Variants in ALG11 observed in about 807,000 individuals in gnomAD.
The protein encoded by ALG11 is GDP-Man:Man(3)GlcNAc(2)-PP-Dol alpha-1,2-mannosyltransferase.
Under a neutral mutation model 38.8 loss-of-function variants are expected in ALG11, and 26 were observed. The observed-to-expected ratio is 0.67, with a 90% CI of 0.49 to 0.93. The LOEUF is 0.93. Ranked by LOEUF, ALG11 falls within the 40% of genes least tolerant of loss-of-function variation. ALG11 has a pLI of 0.00. For synonymous variants in ALG11, 199 were observed against 211.6 expected (o/e 0.94, Z 0.52); for missense variants, 535 against 578.8 (o/e 0.92, Z 0.78).
At position 52,024,040 on chromosome 13, in the gene ALG11, G is replaced by A. The variant is rs761383291; in HGVS notation, c.310G>A (p.Asp104Asn). 11 of 1,613,952 alleles carry A rather than the reference G, an allele frequency of 6.8e-6. No individual in the cohort carries two copies. Among genetic ancestry groups the A allele is most frequent in the African/African-American group, 4.0e-5 (3 of 74,894 alleles). The change falls in exon 3 of 4, where the codon GAT (aspartate) becomes AAT (asparagine). Residue 104 changes from aspartate to asparagine, a missense_variant. Physicochemically the swap from Asp to Asn is conservative, Grantham distance 23. Transcript: ENST00000521508. ...AGCAGTTTATGTTGTTTATACCGGC[G>A]ATGTTAATGTCAACGGTCAACAGAT... ...PEAVYVVYTGDVNVNGQQILE... is the reference protein window; with the variant it reads ...PEAVYVVYTGNVNVNGQQILE...
chr13:52,012,904 T>G (rs1428825861), intron 1 of ALG11, among the ~76,000 whole-genome samples: 2 of 152,238 alleles, frequency 1.3e-5, no homozygotes, highest in African/African-American at 4.8e-5. Context: ...AAACTGCCAT[T>G]GTTAACACGT....
Position 52,031,722 on chromosome 13 carries a change from G to C in ALG11, c.*3132G>C, listed in dbSNP as rs1289176396. ...TTGTAAGATGGCAAGGTGGCATTTT[G>C]AAAGAGCGCTGGGCAAGCAGTTAGC... On this transcript the variant is annotated 3_prime_UTR_variant, in exon 4 of 4. Transcript: ENST00000521508. The C allele has an allele frequency of 1.2e-5, 2 of 167,276 alleles. No individual in the cohort carries two copies. The highest frequency in any genetic ancestry group is 2.9e-5 in the Non-Finnish European group (2 of 68,296). The allele number at this position is 167,276 out of a possible 1,614,324, so 10.4% of individuals were successfully genotyped here. A position where few individuals can be genotyped will look rare whatever the true frequency, so the allele number is the denominator to read the frequency against.
At chr13:52,018,782 TAGC>T in intron 1 of ALG11, 128 bp from the exon 2 acceptor site, 3 of 773,916 alleles carry the variant, frequency 3.9e-6, no homozygotes, top group East Asian at 2.7e-5. Context: ...AGTATTTTGT[TAGC>T]AGACTCGTTA....
rs6561656 is a variant in ALG11, at chr13:52,023,752, A to G, written c.276-254A>G. 115,880 of 205,554 alleles carry G rather than the reference A, an allele frequency of 0.56. 35,556 individuals carry two copies. The highest frequency in any genetic ancestry group is 0.63 in the Non-Finnish European group (66,496 of 105,140). 12.7% of individuals were successfully genotyped at this position (205,554 alleles called of 1,614,324 possible). ...TTGTTGCCCAGGCAGGAGTGCAGTG[A>G]TGCAGTCTCGGCTCTCAGTCTCTCA... On this transcript the variant is annotated intron_variant, in intron 2 of 3. Coordinates refer to ENST00000521508, the MANE Select transcript of ALG11 (RefSeq NM_001004127.3).
intron 2 of ALG11, 57 bp from the exon 3 acceptor site, chr13:52,023,949 C>G: frequency 6.5e-7 from 1 of 1,535,182 alleles, no homozygotes; most frequent in Non-Finnish European, 9.0e-7. Context: ...TGCGTGCCAC[C>G]GTGTCTGGCT....
Position 52,018,802 on chromosome 13 carries a change from A to G in ALG11, c.45-111A>G, listed in dbSNP as rs1954157510. ...TTTGTTAGCAGACTCGTTAAAGACA[A>G]TTCTCTCTTTGTTACTAATATATAA... On this transcript the variant is annotated intron_variant, in intron 1 of 3. Transcript: ENST00000521508. 5.6e-6 allele frequency: 5 copies of G among 899,926 alleles called. No homozygotes were observed. In the South Asian group the frequency reaches 7.6e-5, roughly 14 times the overall value. The allele number at this position is 899,926 out of a possible 1,614,324, so 55.7% of individuals were successfully genotyped here.
Position 52,024,865 on chromosome 13 carries a change from G to A in ALG11, c.1135G>A (p.Asp379Asn). Reference protein sequence around the residue: ...YVEFKINIPFDELKNYLSEAT... With the variant: ...YVEFKINIPFNELKNYLSEAT... ...GGAATTTAAAATAAACATTCCATTT[G>A]ATGAATTAAAGAATTATTTGTCTGA... Residue 379 changes from aspartate to asparagine, a missense_variant, in exon 3 of 4, where the codon GAT (aspartate) becomes AAT (asparagine). Asp to Asn is a conservative substitution (Grantham distance 23). Transcript: ENST00000521508. The A allele has an allele frequency of 1.9e-6, 3 of 1,613,920 alleles. No individual in the cohort carries two copies. The highest frequency in any genetic ancestry group is 2.5e-6 in the Non-Finnish European group (3 of 1,179,988).
chr13:52,029,700 A>G lies in ALG11; in HGVS notation c.*1110A>G. Reference sequence around the variant, plus strand: ...ATGGAAAGAATGAGCCTTAAGCACCAAAACAGTGGGAAATGGGCCAAGTCA... The same window carrying G: ...ATGGAAAGAATGAGCCTTAAGCACCGAAACAGTGGGAAATGGGCCAAGTCA... On this transcript the variant is annotated 3_prime_UTR_variant, in exon 4 of 4. Coordinates refer to ENST00000521508, the MANE Select transcript of ALG11 (RefSeq NM_001004127.3). 1 of 1,614,252 alleles carries G rather than the reference A, an allele frequency of 6.2e-7. No homozygotes were observed. The highest frequency in any genetic ancestry group is 8.5e-7 in the Non-Finnish European group (1 of 1,180,042).
In ALG11 at chr13:52,028,701, C is replaced by T. The variant is rs1362505593; in HGVS notation, c.*111C>T. 1.3e-6 allele frequency: 2 copies of T among 1,573,252 alleles called. No individual in the cohort carries two copies. Among genetic ancestry groups the T allele is most frequent in the Admixed American group, 1.8e-5 (1 of 56,652 alleles). On this transcript the variant is annotated 3_prime_UTR_variant, in exon 4 of 4. Transcript: ENST00000521508. ...TGTCAAATCATTTTACTTTAGAAAA[C>T]AGACAAAATTTCCTTTTAGAATAAA...
In ALG11 at chr13:52,030,856, TC is replaced by T; in HGVS notation, c.*2268del. The T allele has an allele frequency of 6.2e-7, 1 of 1,614,116 alleles. No homozygotes were observed. The highest frequency in any genetic ancestry group is 1.6e-4 in the Middle Eastern group (1 of 6,062). On this transcript the variant is annotated 3_prime_UTR_variant, in exon 4 of 4. Transcript: ENST00000521508. ...CAGCAGCTCATCAGGTACAAGTGCTTCCATATCCATTTACCCACCATCGGCA... is the reference window on the plus strand; with the variant it reads ...CAGCAGCTCATCAGGTACAAGTGCTTCATATCCATTTACCCACCATCGGCA...
chr13:52,020,914 C>G (rs968061199), intron 2 of ALG11: 25 of 152,192 alleles, frequency 1.6e-4, no homozygotes, highest in Admixed American at 1.1e-3. Context: ...CCTAACTCAA[C>G]ACATACTACA....
At position 52,029,780 on chromosome 13, in the gene ALG11, T is replaced by C; in HGVS notation, c.*1190T>C. On this transcript the variant is annotated 3_prime_UTR_variant, in exon 4 of 4. Transcript: ENST00000521508. Reference sequence around the variant, plus strand: ...GGCTCGCCAAGCTATGCAGGAACAGTTGGCCAAGAACAAAGAACTGACACA... The same window carrying C: ...GGCTCGCCAAGCTATGCAGGAACAGCTGGCCAAGAACAAAGAACTGACACA... 1 of 1,614,026 alleles carries C rather than the reference T, an allele frequency of 6.2e-7. No homozygotes were observed. Among genetic ancestry groups the C allele is most frequent in the Non-Finnish European group, 8.5e-7 (1 of 1,180,022 alleles).
Position 52,029,659 on chromosome 13 carries a change from T to G in ALG11, c.*1069T>G, listed in dbSNP as rs755054488. 3 of 1,614,066 alleles carry G rather than the reference T, an allele frequency of 1.9e-6. No individual in the cohort carries two copies. The highest frequency in any genetic ancestry group is 2.5e-6 in the Non-Finnish European group (3 of 1,180,030). On this transcript the variant is annotated 3_prime_UTR_variant, in exon 4 of 4. Transcript: ENST00000521508. ...TGGCACTGGAAGAAATGGAAAAAATTGAAAATGCCAGAATGATGGAAAGAA... is the reference window on the plus strand; with the variant it reads ...TGGCACTGGAAGAAATGGAAAAAATGGAAAATGCCAGAATGATGGAAAGAA...
chr13:52,025,124 A>G (rs1016237245), intron 3 of ALG11, among the ~76,000 whole-genome samples, 187 bp downstream of exon 3: 3 of 152,220 alleles, frequency 2.0e-5, no homozygotes, highest in Admixed American at 2.0e-4. Context: ...GTATTTATTG[A>G]CCAATTCCTG....
chr13:52,031,266 C>G lies in ALG11; in HGVS notation c.*2676C>G. 1 of 1,089,500 alleles carries G rather than the reference C, an allele frequency of 9.2e-7. No homozygotes were observed. The highest frequency in any genetic ancestry group is 1.9e-5 in the South Asian group (1 of 53,158). 67.5% of individuals were successfully genotyped at this position (1,089,500 alleles called of 1,614,324 possible). A position where few individuals can be genotyped will look rare whatever the true frequency, so the allele number is the denominator to read the frequency against. ...AAATGGATGACCATTAATTGACTAG[C>G]ATTTTAGAATTGATCAGACATTAGA... On this transcript the variant is annotated 3_prime_UTR_variant, in exon 4 of 4. Transcript: ENST00000521508.
Position 52,028,294 on chromosome 13 carries a change from A to G in ALG11, c.1208-25A>G, listed in dbSNP as rs758937654. 1.9e-6 allele frequency: 3 copies of G among 1,614,086 alleles called. No individual in the cohort carries two copies. The East Asian group carries it at 6.7e-5, about 36-fold the overall frequency. On this transcript the variant is annotated intron_variant, in intron 3 of 3. Coordinates refer to ENST00000521508, the MANE Select transcript of ALG11 (RefSeq NM_001004127.3). The stretch of plus-strand genomic sequence containing the variant: ...AACACACTCAAAAACTTAAAAGATT[A>G]CATGATTTGTGTTTTTTTTCTCAGG...
chr13:52,025,120 A>C (rs1954228401), intron 3 of ALG11, among the ~76,000 whole-genome samples, 183 bp downstream of exon 3: 1 of 152,218 alleles, frequency 6.6e-6, no homozygotes, highest in Non-Finnish European at 1.5e-5. Flanking sequence ...GCTAGTATTT[A>C]TTGACCAATT....
intron 2 of ALG11, 124 bp from the exon 3 acceptor site, chr13:52,023,882 C>T: frequency 1.2e-6 from 1 of 801,582 alleles, no homozygotes; most frequent in Non-Finnish European, 2.0e-6. Context: ...GCAACCTCCG[C>T]CTCCTGGGTT....
At chr13:52,020,939 C>G (rs116442870) in intron 2 of ALG11, 1 of 152,176 alleles carries the variant, frequency 6.6e-6, no homozygotes, top group Non-Finnish European at 1.5e-5. Context: ...ACTTTTCATT[C>G]GACCTAGCAG....
Sources: gnomAD v4.1 joint callset for allele counts (sites outside exome capture counted in the v4.1 genomes callset) on GRCh38, gnomAD v4.1.1 for gene constraint, MANE v1.5 for transcripts, NCBI Gene and HGNC (gene_info 2026-07-23, HGNC 2026-07-21) for gene names.